MYO18B: variants seen among roughly 807,000 people sequenced by gnomAD.
MYO18B encodes the protein unconventional myosin-XVIIIb.
A neutral mutation model predicts 273.0 loss-of-function variants in MYO18B; 204 were observed. The observed-to-expected ratio is 0.75, with a 90% CI of 0.67 to 0.84. The LOEUF (loss-of-function observed/expected upper bound fraction) is 0.84. MYO18B is among the 40% of genes least tolerant of loss of function. MYO18B has a pLI of 0.00. For missense variants in MYO18B, 3,212 were observed against 3,287.6 expected (o/e 0.98, Z 0.56); for synonymous variants, 1,330 against 1,305.7 (o/e 1.02, Z -0.40).
intron 42 of MYO18B, among the ~76,000 whole-genome samples, chr22:26,021,485 C>T (rs1935813764): frequency 6.6e-6 from 1 of 152,136 alleles, no homozygotes. Context: ...GTGTTAGGGC[C>T]CTGGTGCTTC....
intron 15 of MYO18B, among the ~76,000 whole-genome samples, chr22:25,832,228 A>G (rs969136594): frequency 1.3e-5 from 2 of 152,180 alleles, no homozygotes; most frequent in Non-Finnish European, 2.9e-5. Flanking sequence ...TAGAATTCCC[A>G]TGTGATTCAG....
chr22:25,787,233 G>C (rs11702970), intron 11 of MYO18B, among the ~76,000 whole-genome samples: 1 of 147,484 alleles, frequency 6.8e-6, no homozygotes, highest in Non-Finnish European at 1.5e-5. Context: ...AAAGAAAAAA[G>C]AAAAAAAAAT....
intron 22 of MYO18B, among the ~76,000 whole-genome samples, chr22:25,870,014 TCA>T (rs1216937044): frequency 6.6e-6 from 1 of 152,212 alleles, no homozygotes; most frequent in Non-Finnish European, 1.5e-5. Flanking sequence ...TGTTCCTCAC[TCA>T]CAGTCTTCTG....
chr22:25,873,953 A>G (rs1008382352), intron 22 of MYO18B, among the ~76,000 whole-genome samples: 7 of 152,308 alleles, frequency 4.6e-5, no homozygotes, highest in African/African-American at 1.4e-4. Flanking sequence ...GTGCACAGGA[A>G]TCCCCGGGGG....
chr22:25,811,379 CACACATA>C (rs1325208660), intron 12 of MYO18B, among the ~76,000 whole-genome samples: 1 of 152,110 alleles, frequency 6.6e-6, no homozygotes, highest in African/African-American at 2.4e-5. Flanking sequence ...TTGTAAAAAT[CACACATA>C]ACATTCCATG....
In MYO18B at chr22:25,832,820, G is replaced by C. The variant is rs2089759631; in HGVS notation, c.2980-97G>C. ...AAACGATTTTTTTAAAGGGCCAAGA[G>C]GTGATGGAAATCCTCTCCGCTTTTT... is the stretch of plus-strand genomic sequence containing the variant. On this transcript the variant is annotated intron_variant, in intron 15 of 43. Transcript: ENST00000335473. The C allele has an allele frequency of 2.9e-6, 3 of 1,034,586 alleles. No homozygotes were observed. The Admixed American group carries it at 6.3e-5, about 22-fold the overall frequency. 64.1% of individuals were successfully genotyped at this position (1,034,586 alleles called of 1,614,324 possible).
intron 14 of MYO18B, among the ~76,000 whole-genome samples, chr22:25,828,057 C>T (rs936746827): frequency 6.6e-5 from 10 of 152,180 alleles, no homozygotes; most frequent in South Asian, 2.1e-4. Flanking sequence ...TGATCATACT[C>T]GTGGTGATGA....
rs905149130 is a variant in MYO18B, at chr22:25,765,946, C to T, written c.199-2169C>T. 3.0e-4 allele frequency among the ~76,000 whole-genome samples: 45 copies of T among 152,216 alleles called. 2 individuals are homozygous for T. Among genetic ancestry groups the T allele is most frequent in the Admixed American group, 2.9e-3 (44 of 15,278 alleles). On this transcript the variant is annotated intron_variant, in intron 3 of 43. Coordinates refer to ENST00000335473, the MANE Select transcript of MYO18B (RefSeq NM_032608.7). Reference sequence around the variant, plus strand: ...TTCCAAGGCTATGTCCTGCCTTCCCCCAGAAGGTCAGGAGAAGCTACTCGG... The same window carrying T: ...TTCCAAGGCTATGTCCTGCCTTCCCTCAGAAGGTCAGGAGAAGCTACTCGG...
intron 42 of MYO18B, among the ~76,000 whole-genome samples, chr22:26,007,914 G>A (rs1934565689): frequency 6.6e-6 from 1 of 152,122 alleles, no homozygotes; most frequent in Non-Finnish European, 1.5e-5. Flanking sequence ...CTTCTCAGAA[G>A]GATCCATCAT....
intron 2 of MYO18B, 129 bp downstream of exon 2, chr22:25,761,260 C>A: frequency 1.9e-6 from 2 of 1,052,378 alleles, no homozygotes; most frequent in Non-Finnish European, 1.4e-6. Context: ...CATGTGCAAT[C>A]CCACCTTCAA....
intron 42 of MYO18B, among the ~76,000 whole-genome samples, chr22:26,017,975 T>G (rs932044339): frequency 3.4e-4 from 24 of 70,862 alleles, no homozygotes; most frequent in African/African-American, 7.4e-4. Context: ...TTGTTTTTTT[T>G]TTTTTTTTTT....
chr22:25,837,351 G>A (rs2089937007), intron 17 of MYO18B, among the ~76,000 whole-genome samples: 1 of 152,132 alleles, frequency 6.6e-6, no homozygotes, highest in African/African-American at 2.4e-5. Flanking sequence ...GTGTGGCCAG[G>A]GAGGCAGGAG....
At chr22:26,041,905 G>A in the MYO18B span, among the ~76,000 whole-genome samples, 5 of 152,212 alleles carry the variant, frequency 3.3e-5, no homozygotes, top group African/African-American at 1.2e-4. Flanking sequence ...CCTGGGTAAG[G>A]CAAGAGCTAG....
At chr22:26,028,887 C>CAA (rs554144546) in intron 43 of MYO18B, among the ~76,000 whole-genome samples, 3,937 of 75,352 alleles carry the variant, frequency 0.052, 288 homozygotes, top group African/African-American at 0.16. Flanking sequence ...GACTCCGTCT[C>CAA]AAAAAAAAAA....
intron 42 of MYO18B, among the ~76,000 whole-genome samples, chr22:26,015,625 G>T (rs1369761376): frequency 2.0e-5 from 3 of 152,106 alleles, no homozygotes; most frequent in African/African-American, 7.2e-5. Context: ...ACATAGAGGG[G>T]AACAACACAC....
chr22:25,820,016 A>T (rs530190653), intron 12 of MYO18B, among the ~76,000 whole-genome samples: 1 of 139,662 alleles, frequency 7.2e-6, no homozygotes, highest in Admixed American at 7.3e-5. Flanking sequence ...CAAAGACGCA[A>T]TGTTGAATAA....
chr22:25,813,423 GAATT>G (rs2088856409), intron 12 of MYO18B, among the ~76,000 whole-genome samples: 1 of 151,990 alleles, frequency 6.6e-6, no homozygotes, highest in Admixed American at 6.6e-5. Flanking sequence ...AATTTCAGTG[GAATT>G]AAGAAAGATA....
intron 21 of MYO18B, among the ~76,000 whole-genome samples, chr22:25,859,901 C>T (rs573867152): frequency 2.6e-5 from 4 of 152,204 alleles, no homozygotes; most frequent in East Asian, 1.9e-4. Flanking sequence ...TATCTAAGAA[C>T]GCTTTACCTA....
intron 39 of MYO18B, among the ~76,000 whole-genome samples, chr22:25,980,876 A>G (rs2093142118): frequency 6.6e-6 from 1 of 152,166 alleles, no homozygotes; most frequent in Non-Finnish European, 1.5e-5. Flanking sequence ...AAGTCCAAAA[A>G]ACCAAGGTGT....
Sources: allele counts gnomAD v4.1 joint callset (sites outside exome capture counted in the v4.1 genomes callset), GRCh38; gene constraint gnomAD v4.1.1; transcripts MANE v1.5; gene names NCBI Gene and HGNC (gene_info 2026-07-23, HGNC 2026-07-21).